MAML3: variants seen among roughly 807,000 people sequenced by gnomAD.
MAML3 encodes mastermind like transcriptional coactivator 3, also known as mastermind-like protein 3.
In MAML3, 27 loss-of-function variants were observed where a neutral mutation model predicts 101.9. The ratio of observed to expected loss-of-function variants is 0.27; its 90% CI spans 0.20 to 0.37. MAML3 has a LOEUF of 0.37. MAML3 is among the 10% of genes least tolerant of loss of function. MAML3 has a pLI of 1.00. For missense variants in MAML3, 1,316 were observed against 1,444.9 expected, an observed-to-expected ratio of 0.91 and a Z score of 1.45; for synonymous variants, 501 against 555.9, an observed-to-expected ratio of 0.90 and a Z score of 1.39.
At chr4:139,741,159 A>G (rs895104585) in intron 2 of MAML3, among the ~76,000 whole-genome samples, 2 of 152,166 alleles carry the variant, frequency 1.3e-5, no homozygotes, top group African/African-American at 4.8e-5. Flanking sequence ...AGCAGGGAAA[A>G]ACAAGGAAGC....
chr4:139,905,633 C>T (rs981557239), intron 1 of MAML3, among the ~76,000 whole-genome samples: 3 of 151,990 alleles, frequency 2.0e-5, no homozygotes, highest in African/African-American at 7.3e-5. Context: ...CATTAATTTT[C>T]TTACAGTTCT....
chr4:140,048,967 CTG>C (rs1001693976), intron 1 of MAML3, among the ~76,000 whole-genome samples: 12 of 152,112 alleles, frequency 7.9e-5, no homozygotes, highest in African/African-American at 2.7e-4. Context: ...ATGTGCAAAA[CTG>C]TGGGGATTCA....
chr4:140,034,220 T>G (rs1314804438), intron 1 of MAML3, among the ~76,000 whole-genome samples: 1 of 152,192 alleles, frequency 6.6e-6, no homozygotes, highest in East Asian at 1.9e-4. Context: ...AAGTAGCCTA[T>G]GAAGAGACAG....
At chr4:140,029,767 T>C (rs1173288950) in intron 1 of MAML3, among the ~76,000 whole-genome samples, 1 of 152,226 alleles carries the variant, frequency 6.6e-6, no homozygotes, top group Non-Finnish European at 1.5e-5. Flanking sequence ...TATTTTTCTT[T>C]CAAAACTACC....
Position 139,888,694 on chromosome 4 carries a change from C to T in MAML3, c.2079+663G>A, listed in dbSNP as rs190076492. 3 of 517,586 alleles carry T rather than the reference C, an allele frequency of 5.8e-6. No homozygotes were observed. The Admixed American group carries it at 5.8e-5, about 10-fold the overall frequency. The allele number at this position is 517,586 out of a possible 1,614,324, so 32.1% of individuals were successfully genotyped here. A position where few individuals can be genotyped will look rare whatever the true frequency, so the allele number is the denominator to read the frequency against. On this transcript the variant is annotated intron_variant, in intron 2 of 4. Transcript: ENST00000509479. The stretch of plus-strand genomic sequence containing the variant: ...TAATACAGCACTAAGATATATTCAC[C>T]ATCACATTTTCCTGAAATAGAGCTG...
chr4:139,889,153 A>G (rs1732407868), intron 2 of MAML3: 1 of 970,246 alleles, frequency 1.0e-6, no homozygotes, highest in Non-Finnish European at 1.6e-6. Context: ...GAAATACACG[A>G]AAGTTTATCA....
intron 2 of MAML3, among the ~76,000 whole-genome samples, chr4:139,788,485 T>G (rs1730345721): frequency 6.6e-6 from 1 of 152,222 alleles, no homozygotes; most frequent in East Asian, 1.9e-4. Context: ...TCTTTCTCTA[T>G]ATATCCTGAA....
intron 4 of MAML3, among the ~76,000 whole-genome samples, chr4:139,721,534 C>A (rs553269396): frequency 2.0e-5 from 3 of 152,248 alleles, no homozygotes; most frequent in Non-Finnish European, 2.9e-5. Context: ...AAACCTGGCA[C>A]CCTGGTAGAT....
intron 2 of MAML3, among the ~76,000 whole-genome samples, chr4:139,798,226 CT>C (rs1730550707): frequency 6.6e-6 from 1 of 152,154 alleles, no homozygotes; most frequent in South Asian, 2.1e-4. Flanking sequence ...AAAAAAATCA[CT>C]TACGCTTTCT....
chr4:139,778,162 T>C (rs1168080325), intron 2 of MAML3, among the ~76,000 whole-genome samples: 1 of 152,178 alleles, frequency 6.6e-6, no homozygotes, highest in Non-Finnish European at 1.5e-5. Context: ...AAAAATAAAA[T>C]GATGAATAAA....
chr4:139,911,307 T>TC (rs1714289186), intron 1 of MAML3, among the ~76,000 whole-genome samples: 1 of 151,558 alleles, frequency 6.6e-6, no homozygotes, highest in Admixed American at 6.6e-5. Context: ...AACCTCCGCC[T>TC]CCCAGGTTCA....
intron 1 of MAML3, among the ~76,000 whole-genome samples, chr4:139,909,434 A>T (rs1305926388): frequency 1.3e-5 from 2 of 152,178 alleles, no homozygotes; most frequent in Non-Finnish European, 1.5e-5. Flanking sequence ...ATTATCAAAG[A>T]CCTGGGAAGC....
chr4:140,025,277 A>T (rs1303193818), intron 1 of MAML3, among the ~76,000 whole-genome samples: 1 of 152,196 alleles, frequency 6.6e-6, no homozygotes, highest in Non-Finnish European at 1.5e-5. Context: ...TTTTCTGAGA[A>T]ATAACCTAAA....
chr4:139,771,035 A>G (rs1283439130), intron 2 of MAML3, among the ~76,000 whole-genome samples: 1 of 152,080 alleles, frequency 6.6e-6, no homozygotes, highest in African/African-American at 2.4e-5. Context: ...CCCTCCATGA[A>G]GGATCCACAC....
chr4:140,079,075 GA>G (rs1727824003), intron 1 of MAML3, among the ~76,000 whole-genome samples: 1 of 152,158 alleles, frequency 6.6e-6, no homozygotes. Context: ...GCAAAAGCAG[GA>G]ATCAAGAGCT....
At chr4:140,143,204 G>A (rs527334538) in intron 1 of MAML3, among the ~76,000 whole-genome samples, 130 of 152,264 alleles carry the variant, frequency 8.5e-4, no homozygotes, top group Non-Finnish European at 1.4e-3. Context: ...GAATAAGGAC[G>A]TCCTGTTCAC....
intron 2 of MAML3, among the ~76,000 whole-genome samples, chr4:139,781,189 A>G (rs1730198332): frequency 6.6e-6 from 1 of 152,126 alleles, no homozygotes; most frequent in Non-Finnish European, 1.5e-5. Flanking sequence ...CATCACTGAA[A>G]AATAGAGTTG....
chr4:139,879,015 T>C (rs1732168102), intron 2 of MAML3, among the ~76,000 whole-genome samples: 2 of 152,112 alleles, frequency 1.3e-5, no homozygotes, highest in Admixed American at 6.5e-5. Flanking sequence ...CTTCACCACA[T>C]TGGGACTGGG....
intron 1 of MAML3, among the ~76,000 whole-genome samples, chr4:139,922,420 A>G (rs189575818): frequency 1.3e-5 from 2 of 152,288 alleles, no homozygotes; most frequent in African/African-American, 4.8e-5. Flanking sequence ...CAGAGAGAAG[A>G]AGGCAGGCCT....
Sources: gnomAD v4.1 joint callset for allele counts (sites outside exome capture counted in the v4.1 genomes callset) on GRCh38, gnomAD v4.1.1 for gene constraint, MANE v1.5 for transcripts, NCBI Gene and HGNC (gene_info 2026-07-23, HGNC 2026-07-21) for gene names.